Variants in LAMA1 observed in about 807,000 individuals in gnomAD.
LAMA1 encodes the protein laminin subunit alpha-1.
A neutral mutation model predicts 348.7 loss-of-function variants in LAMA1; 219 were observed. The ratio of observed to expected loss-of-function variants is 0.63; its 90% CI spans 0.56 to 0.70. The LOEUF (loss-of-function observed/expected upper bound fraction) is 0.70. LAMA1 is among the 30% of genes least tolerant of loss of function. The pLI, the probability that LAMA1 is intolerant of heterozygous loss-of-function variation, is 0.00. For missense variants in LAMA1, 3,744 were observed against 3,888.0 expected (o/e 0.96, Z 0.99); for synonymous variants, 1,487 against 1,491.0 (o/e 1.00, Z 0.06).
chr18:7,021,497 A>G (rs1431628664), intron 19 of LAMA1, among the ~76,000 whole-genome samples: 2 of 152,180 alleles, frequency 1.3e-5, no homozygotes, highest in African/African-American at 4.8e-5. Context: ...TGTAATCTAC[A>G]TGTAGATCAA....
At chr18:7,024,611 C>CCA (rs2057934061) in intron 17 of LAMA1, 145 bp from the exon 18 acceptor site, 2 of 700,938 alleles carry the variant, frequency 2.9e-6, no homozygotes, top group Admixed American at 4.2e-5. Context: ...CTCTGGTCAC[C>CCA]CAGCCCACCC....
Position 7,032,848 on chromosome 18 carries a change from T to C in LAMA1, c.2163+136A>G, listed in dbSNP as rs1598289679. The C allele has an allele frequency of 2.0e-5, 14 of 713,900 alleles. No individual in the cohort carries two copies. In the East Asian group the frequency reaches 3.5e-4, roughly 18 times the overall value. 44.2% of individuals were successfully genotyped at this position (713,900 alleles called of 1,614,324 possible). On this transcript the variant is annotated intron_variant, in intron 15 of 62. Transcript: ENST00000389658. Reference sequence around the variant, plus strand: ...AACAATGTGACTTCTAATATTTCTATTGCCCAAAAAAGACTGAGCCAAACA... The same window carrying C: ...AACAATGTGACTTCTAATATTTCTACTGCCCAAAAAAGACTGAGCCAAACA...
Position 7,044,842 on chromosome 18 carries a change from A to C in LAMA1, c.859-3T>G. On this transcript the variant is annotated splice_region_variant and splice_polypyrimidine_tract_variant and intron_variant, in intron 6 of 62. Coordinates refer to ENST00000389658, the MANE Select transcript of LAMA1 (RefSeq NM_005559.4). ...TGCTCACATTGACACTGCAGTTTCT[A>C]CACAATAAGGAAGCCAAAACTGAAT... is the stretch of plus-strand genomic sequence containing the variant. 1 of 1,607,302 alleles carries C rather than the reference A, an allele frequency of 6.2e-7. No homozygotes were observed. The highest frequency in any genetic ancestry group is 8.5e-7 in the Non-Finnish European group (1 of 1,173,734).
At chr18:6,973,405 AT>A (rs1282361919) in intron 46 of LAMA1, among the ~76,000 whole-genome samples, 198 bp from the exon 47 acceptor site, 1 of 152,090 alleles carries the variant, frequency 6.6e-6, no homozygotes, top group African/African-American at 2.4e-5. Context: ...AAATTTCATC[AT>A]GTTGTGTCCC....
intron 51 of LAMA1, among the ~76,000 whole-genome samples, chr18:6,963,062 ATT>A (rs146895709): frequency 4.2e-5 from 6 of 144,284 alleles, no homozygotes; most frequent in African/African-American, 1.5e-4. Flanking sequence ...GCCACACCTC[ATT>A]TTTTTTTTTT....
chr18:7,054,142 T>C (rs553361297), intron 3 of LAMA1, among the ~76,000 whole-genome samples: 2 of 152,272 alleles, frequency 1.3e-5, no homozygotes, highest in East Asian at 3.9e-4. Flanking sequence ...AGAAAAGATC[T>C]TGGATTCCAC....
chr18:6,977,868 T>C lies in LAMA1; in HGVS notation c.6204A>G (p.Gly2068=), dbSNP rs188817453. 5.5e-5 allele frequency: 88 copies of C among 1,612,628 alleles called. No homozygotes were observed. In the Admixed American group the frequency reaches 1.2e-3, roughly 23 times the overall value. ...GAATTTCCACGTCTTTGACTTTTCT[T>C]CCAGCCAACAGAGCTAACAAATACA... ...QDSTMATLLA[G]RKVKDVEIQA... is the part of the protein sequence containing the mutation. Residue 2068 remains glycine (G), a synonymous_variant, in exon 44 of 63, where the codon GGA becomes GGG. Coordinates refer to ENST00000389658, the MANE Select transcript of LAMA1 (RefSeq NM_005559.4).
chr18:7,070,919 A>AC (rs2058143304), intron 3 of LAMA1, among the ~76,000 whole-genome samples: 1 of 151,954 alleles, frequency 6.6e-6, no homozygotes, highest in African/African-American at 2.4e-5. Context: ...AAAAAAAAAA[A>AC]AACACGTTAG....
chr18:6,955,443 G>A lies in LAMA1; in HGVS notation c.8117C>T (p.Ala2706Val). 1 of 1,614,080 alleles carries A rather than the reference G, an allele frequency of 6.2e-7. No individual in the cohort carries two copies. Among genetic ancestry groups the A allele is most frequent in the Non-Finnish European group, 8.5e-7 (1 of 1,179,962 alleles). Residue 2706 changes from alanine (A) to valine (V), a missense_variant, in exon 57 of 63, where the codon GCT (alanine) becomes GTT (valine). Coordinates refer to ENST00000389658, the MANE Select transcript of LAMA1 (RefSeq NM_005559.4). ...AFPEQCVVDA[A>V]LEYVPGAHQF... Reference sequence around the variant, plus strand: ...GTGAGCGCCGGGAACGTACTCCAGAGCTGCATCCACCACACACTGTTCCTG... The same window carrying A: ...GTGAGCGCCGGGAACGTACTCCAGAACTGCATCCACCACACACTGTTCCTG...
At chr18:7,113,965 T>C (rs957417659) in intron 1 of LAMA1, among the ~76,000 whole-genome samples, 2 of 151,294 alleles carry the variant, frequency 1.3e-5, no homozygotes, top group African/African-American at 2.4e-5. Context: ...TAGTCCCAGC[T>C]ACTCAGGAGG....
chr18:7,073,564 A>G (rs531797220), intron 3 of LAMA1, among the ~76,000 whole-genome samples: 3 of 152,288 alleles, frequency 2.0e-5, no homozygotes, highest in African/African-American at 7.2e-5. Context: ...CAGGGTACAT[A>G]CATGCTGTGG....
At chr18:7,049,491 G>T (rs898197738) in intron 4 of LAMA1, among the ~76,000 whole-genome samples, 3 of 151,998 alleles carry the variant, frequency 2.0e-5, no homozygotes, top group Non-Finnish European at 4.4e-5. Flanking sequence ...GTAGAGACAG[G>T]GTTTCACTAT....
Position 6,983,173 on chromosome 18 carries a change from T to C in LAMA1, c.5722A>G (p.Asn1908Asp). ...GATTCTTCAATCAGGCTCTGGATGTTGTAATGGACATAGGCTGCACTGGTG... is the reference window on the plus strand; with the variant it reads ...GATTCTTCAATCAGGCTCTGGATGTCGTAATGGACATAGGCTGCACTGGTG... ...NATSAAYVHY[N>D]IQSLIEESEE... Residue 1908 changes from asparagine (N) to aspartate (D), a missense_variant, in exon 40 of 63, where the codon AAC becomes GAC. This residue lies in a region of LAMA1 where 1,983 missense variants were observed against 1,934.3 expected (regional missense o/e 1.03). Transcript: ENST00000389658. 6.2e-7 allele frequency: 1 copy of C among 1,614,204 alleles called. No homozygotes were observed. Among genetic ancestry groups the C allele is most frequent in the Non-Finnish European group, 8.5e-7 (1 of 1,180,034 alleles).
At chr18:6,973,020 C>T in intron 47 of LAMA1, 37 bp downstream of exon 47, 1 of 1,612,234 alleles carries the variant, frequency 6.2e-7, no homozygotes, top group Non-Finnish European at 8.5e-7. Context: ...TAAAATCAGT[C>T]AATCAGTCCT....
intron 23 of LAMA1, among the ~76,000 whole-genome samples, chr18:7,013,220 G>GA (rs1463688698): frequency 1.3e-5 from 2 of 152,002 alleles, no homozygotes; most frequent in Admixed American, 1.3e-4. Flanking sequence ...CCCAGGCCAT[G>GA]ATATGTACAT....
At chr18:7,027,547 AC>A (rs1387864871) in intron 16 of LAMA1, among the ~76,000 whole-genome samples, 5 of 141,882 alleles carry the variant, frequency 3.5e-5, no homozygotes, top group African/African-American at 1.5e-4. Flanking sequence ...AACAACAACA[AC>A]AAAAAAAAGC....
chr18:6,996,141 T>C (rs577631734), intron 33 of LAMA1, among the ~76,000 whole-genome samples: 33 of 152,324 alleles, frequency 2.2e-4, no homozygotes, highest in African/African-American at 6.7e-4. Context: ...CTTTTTTTTA[T>C]AGAGGTAAAA....
chr18:6,961,852 T>C (rs2057609519), intron 52 of LAMA1, 93 bp from the exon 53 acceptor site: 1 of 1,572,964 alleles, frequency 6.4e-7, no homozygotes, highest in Non-Finnish European at 8.8e-7. Context: ...CATCATCTCT[T>C]TTCTATCCCC....
chr18:7,084,493 T>C (rs1196630617), intron 1 of LAMA1, among the ~76,000 whole-genome samples: 1 of 152,238 alleles, frequency 6.6e-6, no homozygotes, highest in East Asian at 1.9e-4. Flanking sequence ...AGAAATGTTA[T>C]TCACTTCAGT....
Sources: gnomAD v4.1 joint callset for allele counts (sites outside exome capture counted in the v4.1 genomes callset) on GRCh38, gnomAD v4.1.1 for gene constraint, gnomAD v4.1.1 regional missense constraint, MANE v1.5 for transcripts, NCBI Gene and HGNC (gene_info 2026-07-23, HGNC 2026-07-21) for gene names.